Variants in ATE1 observed in about 807,000 individuals in gnomAD.
The protein encoded by ATE1 is arginyl-tRNA--protein transferase 1.
In ATE1, 36 loss-of-function variants were observed where a neutral mutation model predicts 70.5. That is an observed-to-expected ratio of 0.51 (90% CI 0.39 to 0.67). The LOEUF (loss-of-function observed/expected upper bound fraction) is 0.67. Ranked by LOEUF, ATE1 falls within the 30% of genes least tolerant of loss-of-function variation. The pLI, the probability that ATE1 is intolerant of heterozygous loss-of-function variation, is 0.00. For synonymous variants in ATE1, 232 were observed against 219.3 expected, an observed-to-expected ratio of 1.06 and a Z score of -0.51; for missense variants, 593 against 629.5, an observed-to-expected ratio of 0.94 and a Z score of 0.62.
intron 3 of ATE1, among the ~76,000 whole-genome samples, chr10:121,922,024 TATA>T (rs1951901961): frequency 6.6e-6 from 1 of 152,238 alleles, no homozygotes; most frequent in Non-Finnish European, 1.5e-5. Context: ...AGCTAAGTCC[TATA>T]ATATTTAATA....
At chr10:121,806,434 C>T (rs536602552) in intron 10 of ATE1, among the ~76,000 whole-genome samples, 1 of 152,184 alleles carries the variant, frequency 6.6e-6, no homozygotes, top group East Asian at 1.9e-4. Context: ...GTCTGGGTGA[C>T]CGAGTGAGAC....
intron 11 of ATE1, among the ~76,000 whole-genome samples, chr10:121,783,761 T>G (rs1210938376): frequency 2.0e-5 from 3 of 152,228 alleles, no homozygotes; most frequent in Non-Finnish European, 4.4e-5. Flanking sequence ...GTAACTAACA[T>G]TTATAGACAT....
chr10:121,790,954 A>G (rs201043736), intron 10 of ATE1, among the ~76,000 whole-genome samples: 222 of 58,746 alleles, frequency 3.8e-3, no homozygotes, highest in African/African-American at 5.2e-3. Flanking sequence ...ATATATGTGT[A>G]TATATATATG....
chr10:121,924,265 C>A lies in ATE1; in HGVS notation c.170+1G>T. On this transcript the variant is annotated splice_donor_variant, in intron 2 of 11. Coordinates refer to ENST00000224652, the MANE Select transcript of ATE1 (RefSeq NM_001001976.3). LOFTEE classifies it high-confidence loss of function. The stretch of plus-strand genomic sequence containing the variant: ...AGTCTCTTTGTATCTGGAAGCTTTA[C>A]CTTCGCCATCCTCGGTCTATGAGAT... 4 of 1,613,658 alleles carry A rather than the reference C, an allele frequency of 2.5e-6. No homozygotes were observed. Among genetic ancestry groups the A allele is most frequent in the Non-Finnish European group, 3.4e-6 (4 of 1,179,556 alleles).
intron 10 of ATE1, among the ~76,000 whole-genome samples, chr10:121,835,147 AT>A (rs1224441659): frequency 1.3e-5 from 2 of 152,172 alleles, no homozygotes; most frequent in African/African-American, 4.8e-5. Context: ...CATCAAGTGA[AT>A]TAGTAATTCA....
At chr10:121,837,704 G>A (rs1009277362) in intron 9 of ATE1, among the ~76,000 whole-genome samples, 7 of 152,038 alleles carry the variant, frequency 4.6e-5, no homozygotes, top group Admixed American at 6.6e-5. Context: ...AATTATTACC[G>A]TAAGAATTCA....
At chr10:121,827,549 T>C (rs182832823) in intron 10 of ATE1, among the ~76,000 whole-genome samples, 112 of 152,298 alleles carry the variant, frequency 7.4e-4, no homozygotes, top group South Asian at 1.2e-3. Context: ...TTTCCACTAA[T>C]TTCAACCAGT....
intron 11 of ATE1, among the ~76,000 whole-genome samples, chr10:121,778,512 C>T (rs190664147): frequency 6.7e-5 from 10 of 148,862 alleles, no homozygotes; most frequent in South Asian, 2.1e-4. Context: ...AGGACATTAC[C>T]GTTCTTACAC....
chr10:121,874,777 A>G (rs1282805429), intron 7 of ATE1, among the ~76,000 whole-genome samples: 3 of 151,500 alleles, frequency 2.0e-5, no homozygotes, highest in East Asian at 2.0e-4. Flanking sequence ...AGGCCAAGGC[A>G]GGTGGATCAC....
chr10:121,817,968 TA>T (rs1249004696), intron 10 of ATE1, among the ~76,000 whole-genome samples: 1 of 152,152 alleles, frequency 6.6e-6, no homozygotes, highest in African/African-American at 2.4e-5. Context: ...CCTTTAAAAA[TA>T]ATTTGATTCT....
rs532992159 is a variant in ATE1, at chr10:121,743,921, T to G, written c.1379-63A>C. 220 of 1,281,216 alleles carry G rather than the reference T, an allele frequency of 1.7e-4. No homozygotes were observed. In the Admixed American group the frequency reaches 2.9e-3, roughly 17 times the overall value. 79.4% of individuals were successfully genotyped at this position (1,281,216 alleles called of 1,614,324 possible). Reference sequence around the variant, plus strand: ...ATATCAAAACTTTTTGTTTCCTTTTTTTTTTTTTTTTTTTTTTTGAGACAA... The same window carrying G: ...ATATCAAAACTTTTTGTTTCCTTTTGTTTTTTTTTTTTTTTTTTGAGACAA... On this transcript the variant is annotated intron_variant, in intron 11 of 11. Transcript: ENST00000224652.
intron 10 of ATE1, among the ~76,000 whole-genome samples, chr10:121,819,284 G>A (rs368813545): frequency 5.9e-5 from 9 of 151,836 alleles, no homozygotes; most frequent in African/African-American, 2.2e-4. Flanking sequence ...ACAGCTTTAA[G>A]AAATAGCTAT....
At chr10:121,885,228 T>C (rs1426580278) in intron 7 of ATE1, among the ~76,000 whole-genome samples, 1 of 123,518 alleles carries the variant, frequency 8.1e-6, no homozygotes, top group African/African-American at 3.1e-5. Flanking sequence ...GCCATTACAT[T>C]CCAGCCTGGG....
intron 7 of ATE1, among the ~76,000 whole-genome samples, chr10:121,870,465 G>C (rs377239136): frequency 5.2e-4 from 79 of 151,064 alleles, no homozygotes; most frequent in Non-Finnish European, 1.0e-3. Flanking sequence ...CAAAAGGGGA[G>C]AGGAAAGACC....
intron 7 of ATE1, among the ~76,000 whole-genome samples, chr10:121,877,391 G>A (rs1437055523): frequency 6.6e-6 from 1 of 152,128 alleles, no homozygotes; most frequent in African/African-American, 2.4e-5. Context: ...TGCAAGCTAA[G>A]TGTTTAGAAA....
intron 10 of ATE1, among the ~76,000 whole-genome samples, chr10:121,824,952 T>TAA (rs533476524): frequency 7.5e-6 from 1 of 133,018 alleles, no homozygotes. Context: ...ATGTTTACAG[T>TAA]AAAAAAAAAA....
rs148094023 is a variant in ATE1, at chr10:121,878,861, C to G, written c.943-8823G>C. ...ATTTTACAGACAGCAAAATTACCATCAGAACCTCAAAACCTTTTCCAATCT... is the reference window on the plus strand; with the variant it reads ...ATTTTACAGACAGCAAAATTACCATGAGAACCTCAAAACCTTTTCCAATCT... On this transcript the variant is annotated intron_variant, in intron 7 of 11. Coordinates refer to ENST00000224652, the MANE Select transcript of ATE1 (RefSeq NM_001001976.3). Among the ~76,000 whole-genome samples, 49 of 152,206 alleles carry G rather than the reference C, an allele frequency of 3.2e-4. No individual in the cohort carries two copies. The East Asian group carries it at 9.5e-3, about 30-fold the overall frequency.
At chr10:121,764,683 G>A (rs2135817660) in intron 11 of ATE1, among the ~76,000 whole-genome samples, 1 of 152,254 alleles carries the variant, frequency 6.6e-6, no homozygotes, top group African/African-American at 2.4e-5. Flanking sequence ...AGAGCCCAAA[G>A]CCTCCCTACT....
At chr10:121,768,433 T>C (rs756901514) in intron 11 of ATE1, among the ~76,000 whole-genome samples, 2 of 152,168 alleles carry the variant, frequency 1.3e-5, no homozygotes, top group Non-Finnish European at 2.9e-5. Flanking sequence ...AATTGGGTCA[T>C]TCTTGTCATA....
Sources: gnomAD v4.1 joint callset for allele counts (sites outside exome capture counted in the v4.1 genomes callset) on GRCh38, gnomAD v4.1.1 for gene constraint, MANE v1.5 for transcripts, NCBI Gene and HGNC (gene_info 2026-07-23, HGNC 2026-07-21) for gene names.